NTF3: variants seen among roughly 807,000 people sequenced by gnomAD.
NTF3 encodes neurotrophin 3.
A neutral mutation model predicts 26.3 loss-of-function variants in NTF3; 8 were observed. The ratio of observed to expected loss-of-function variants is 0.30; its 90% CI spans 0.18 to 0.55. The LOEUF (loss-of-function observed/expected upper bound fraction) is 0.55. Among genes scored for constraint, NTF3 ranks in the 20% least tolerant of loss-of-function variants. The pLI, the probability that NTF3 is intolerant of heterozygous loss-of-function variation, is 0.93. For missense variants in NTF3, 276 were observed against 352.9 expected (o/e 0.78, Z 1.75); for synonymous variants, 154 against 145.5 (o/e 1.06, Z -0.42).
chr12:5,445,300 ATGTG>A lies in NTF3; in HGVS notation c.18+12992_18+12995del, dbSNP rs55994341. ...CTTGGATTAAATGATGTGTGTGTGT[ATGTG>A]TGTGTGTGTGTGTGTGTGTGTGTGT... On this transcript the variant is annotated intron_variant, in intron 1 of 1. Coordinates refer to ENST00000423158, the MANE Select transcript of NTF3 (RefSeq NM_001102654.2). 1.3e-3 allele frequency among the ~76,000 whole-genome samples: 77 copies of A among 60,910 alleles called. 1 individual carries two copies. Among genetic ancestry groups the A allele is most frequent in the African/African-American group, 3.1e-3 (76 of 24,208 alleles). 40.0% of individuals were successfully genotyped at this position (60,910 alleles called of 152,430 possible).
At chr12:5,437,667 C>CGAGGCAGGCAGTTTCTG (rs1317414485) in intron 1 of NTF3, among the ~76,000 whole-genome samples, 3 of 152,178 alleles carry the variant, frequency 2.0e-5, no homozygotes, top group Non-Finnish European at 4.4e-5. Context: ...TACTCTTTAA[C>CGAGGCAGGCAGTTTCTG]GAGGCAGGCA....
intron 1 of NTF3, among the ~76,000 whole-genome samples, chr12:5,476,327 C>G (rs1421752755): frequency 6.6e-6 from 1 of 152,064 alleles, no homozygotes; most frequent in African/African-American, 2.4e-5. Context: ...CAGCAGGAGG[C>G]AGGATTCTCT....
chr12:5,474,717 C>T (rs571461502), intron 1 of NTF3, among the ~76,000 whole-genome samples: 1 of 152,112 alleles, frequency 6.6e-6, no homozygotes, highest in African/African-American at 2.4e-5. Flanking sequence ...AATAGGGTCT[C>T]GGAAACCATT....
chr12:5,469,219 A>G (rs1275633121), intron 1 of NTF3, among the ~76,000 whole-genome samples: 4 of 152,218 alleles, frequency 2.6e-5, no homozygotes, highest in Non-Finnish European at 1.5e-5. Context: ...CTGGGCACTT[A>G]AGAGAGAAAA....
chr12:5,468,444 T>C (rs1028807389), intron 1 of NTF3, among the ~76,000 whole-genome samples: 1 of 152,156 alleles, frequency 6.6e-6, no homozygotes, highest in Non-Finnish European at 1.5e-5. Flanking sequence ...GTAATGGAGT[T>C]GTATCCAGCG....
At chr12:5,486,493 A>G (rs931124663) in intron 1 of NTF3, among the ~76,000 whole-genome samples, 3 of 152,202 alleles carry the variant, frequency 2.0e-5, no homozygotes, top group African/African-American at 7.2e-5. Flanking sequence ...ATTGAAAATC[A>G]ATTACTCAGC....
At chr12:5,487,004 G>A (rs751547366) in intron 1 of NTF3, among the ~76,000 whole-genome samples, 2 of 151,918 alleles carry the variant, frequency 1.3e-5, no homozygotes, top group Non-Finnish European at 2.9e-5. Context: ...CTAAATGCAG[G>A]ATAACACCAT....
chr12:5,433,378 C>G lies in NTF3; in HGVS notation c.18+1036C>G, dbSNP rs930839883. Reference sequence around the variant, plus strand: ...CGACGGACCGAACTGTCCCATTGCCCCAGAGCTTTACTCAGTGGTGGATGC... The same window carrying G: ...CGACGGACCGAACTGTCCCATTGCCGCAGAGCTTTACTCAGTGGTGGATGC... On this transcript the variant is annotated intron_variant, in intron 1 of 1. Coordinates refer to ENST00000423158, the MANE Select transcript of NTF3 (RefSeq NM_001102654.2). This position sits in a 1 kb window ranked among gnomAD's most constrained non-coding sequence, Gnocchi z 4.6. The G allele has an allele frequency of 2.0e-5, 3 of 152,312 alleles. No homozygotes were observed. The highest frequency in any genetic ancestry group is 2.0e-4 in the Admixed American group (3 of 15,288). 9.4% of individuals were successfully genotyped at this position (152,312 alleles called of 1,614,324 possible).
chr12:5,458,751 G>A (rs774460229), intron 1 of NTF3, among the ~76,000 whole-genome samples: 3 of 152,170 alleles, frequency 2.0e-5, no homozygotes, highest in Non-Finnish European at 4.4e-5. Flanking sequence ...CTTCCCACAC[G>A]GAGCTTATTC....
intron 1 of NTF3, among the ~76,000 whole-genome samples, chr12:5,464,556 C>T (rs756147881): frequency 2.6e-5 from 4 of 152,184 alleles, no homozygotes; most frequent in Non-Finnish European, 5.9e-5. Context: ...TGAGGAGCAT[C>T]TCCACAGATT....
chr12:5,456,417 G>A lies in NTF3; in HGVS notation c.18+24075G>A, dbSNP rs943937185. Among the ~76,000 whole-genome samples the A allele has an allele frequency of 3.9e-5, 6 of 152,182 alleles. No homozygotes were observed. Among genetic ancestry groups the A allele is most frequent in the Non-Finnish European group, 8.8e-5 (6 of 68,036 alleles). On this transcript the variant is annotated intron_variant, in intron 1 of 1. Transcript: ENST00000423158. This position sits in a 1 kb window ranked among gnomAD's most constrained non-coding sequence, Gnocchi z 4.4. Reference sequence around the variant, plus strand: ...CCCAGAAATCAGTGGGACCCTGGGAGCTGTGTACCCCTCAGACCCAGTTGG... The same window carrying A: ...CCCAGAAATCAGTGGGACCCTGGGAACTGTGTACCCCTCAGACCCAGTTGG...
intron 1 of NTF3, among the ~76,000 whole-genome samples, chr12:5,432,814 G>A (rs559962433): frequency 1.3e-5 from 2 of 152,166 alleles, no homozygotes; most frequent in East Asian, 3.9e-4. Context: ...CTGCTCCTCC[G>A]AGAAAGCTCC....
chr12:5,459,998 G>A (rs928371726), intron 1 of NTF3, among the ~76,000 whole-genome samples: 3 of 152,118 alleles, frequency 2.0e-5, no homozygotes, highest in African/African-American at 7.2e-5. Context: ...CAGAGGCAGA[G>A]CTAGTCTCCT....
chr12:5,466,473 G>A (rs111253433), intron 1 of NTF3, among the ~76,000 whole-genome samples: 2,670 of 152,260 alleles, frequency 0.018, 42 homozygotes, highest in Non-Finnish European at 0.026. Flanking sequence ...ACAAGTTCTT[G>A]TTCCCTCATA....
intron 1 of NTF3, among the ~76,000 whole-genome samples, chr12:5,438,940 C>A (rs1230727222): frequency 6.6e-6 from 1 of 152,204 alleles, no homozygotes; most frequent in Non-Finnish European, 1.5e-5. Flanking sequence ...CCCTGGCACG[C>A]CCTTAACGAG....
rs1228526404 is a variant in NTF3 at position 5,432,172 on chromosome 12, C to T, written c.-153C>T. On this transcript the variant is annotated 5_prime_UTR_variant, in exon 1 of 2. Transcript: ENST00000423158. ...CGCACCGCCCCGCGACGCAGCCCGG[C>T]GCAACTACTTTCTTCTCTCTCCTTT... 2 of 867,626 alleles carry T rather than the reference C, an allele frequency of 2.3e-6. No homozygotes were observed. Among genetic ancestry groups the T allele is most frequent in the African/African-American group, 3.3e-5 (2 of 60,470 alleles). 53.7% of individuals were successfully genotyped at this position (867,626 alleles called of 1,614,324 possible). A position where few individuals can be genotyped will look rare whatever the true frequency, so the allele number is the denominator to read the frequency against.
At chr12:5,434,476 T>C (rs997640494) in intron 1 of NTF3, among the ~76,000 whole-genome samples, 2 of 148,410 alleles carry the variant, frequency 1.3e-5, no homozygotes, top group African/African-American at 4.9e-5. Flanking sequence ...TTCCAAAGTG[T>C]GTGTGTGTGT....
chr12:5,464,875 A>G (rs1005686816), intron 1 of NTF3, among the ~76,000 whole-genome samples: 5 of 152,176 alleles, frequency 3.3e-5, no homozygotes, highest in South Asian at 2.1e-4. Context: ...AAGCCGGACT[A>G]TGTTAAGATC....
At chr12:5,445,331 T>TGTGC in intron 1 of NTF3, among the ~76,000 whole-genome samples, 1 of 151,456 alleles carries the variant, frequency 6.6e-6, no homozygotes, top group South Asian at 2.1e-4. Flanking sequence ...TGTGTGTGTG[T>TGTGC]GTGTGTTTAA....
Sources: allele counts gnomAD v4.1 joint callset (sites outside exome capture counted in the v4.1 genomes callset), GRCh38; gene constraint gnomAD v4.1.1; non-coding constraint Gnocchi (gnomAD v3.1); transcripts MANE v1.5; gene names NCBI Gene and HGNC (gene_info 2026-07-23, HGNC 2026-07-21).